AUH: variants seen among roughly 807,000 people sequenced by gnomAD.
AUH encodes methylglutaconyl-CoA hydratase, mitochondrial.
AUH carries 29 observed loss-of-function variants against 42.3 expected under a neutral mutation model. The ratio of observed to expected loss-of-function variants is 0.69; its 90% CI spans 0.51 to 0.93. AUH has a LOEUF of 0.93. AUH is among the 40% of genes least tolerant of loss of function. The pLI is 0.00. For missense variants in AUH, 452 were observed against 438.1 expected (o/e 1.03, Z -0.28); for synonymous variants, 174 against 166.4 (o/e 1.05, Z -0.35).
At chr9:91,321,319 C>G (rs1001974360) in intron 4 of AUH, among the ~76,000 whole-genome samples, 1 of 152,098 alleles carries the variant, frequency 6.6e-6, no homozygotes, top group Non-Finnish European at 1.5e-5. Flanking sequence ...TCAAGATGTT[C>G]TAAGTTTATG....
At chr9:91,292,517 G>A (rs1049156956) in intron 6 of AUH, among the ~76,000 whole-genome samples, 1 of 151,810 alleles carries the variant, frequency 6.6e-6, no homozygotes, top group Non-Finnish European at 1.5e-5. Flanking sequence ...GACCTCAAGT[G>A]ATCCACCCGC....
chr9:91,249,099 C>T lies in AUH; in HGVS notation c.656-28107G>A, dbSNP rs536034496. ...ATCACTTGAGCCCAGGAGTTCGAGACAAGCCTAGGAAACATGGCACAACCC... is the reference window on the plus strand; with the variant it reads ...ATCACTTGAGCCCAGGAGTTCGAGATAAGCCTAGGAAACATGGCACAACCC... On this transcript the variant is annotated intron_variant, in intron 6 of 9. Coordinates refer to ENST00000375731, the MANE Select transcript of AUH (RefSeq NM_001698.3). Among the ~76,000 whole-genome samples, 6 of 151,962 alleles carry T rather than the reference C, an allele frequency of 3.9e-5. No individual in the cohort carries two copies. In the South Asian group the frequency reaches 8.3e-4, roughly 21 times the overall value.
intron 3 of AUH, among the ~76,000 whole-genome samples, chr9:91,333,915 A>G (rs944973671): frequency 1.3e-5 from 2 of 152,206 alleles, no homozygotes; most frequent in Non-Finnish European, 1.5e-5. Flanking sequence ...GTAGCAACAA[A>G]GCAAAGATCA....
Position 91,351,387 on chromosome 9 carries a change from A to G in AUH, c.418+4496T>C, listed in dbSNP as rs192368576. The stretch of plus-strand genomic sequence containing the variant: ...TTCCACACTCCATGTATATCACTTT[A>G]TAAGTATCGTATTTATATGTCTTTA... On this transcript the variant is annotated intron_variant, in intron 3 of 9. Coordinates refer to ENST00000375731, the MANE Select transcript of AUH (RefSeq NM_001698.3). 4.8e-4 allele frequency among the ~76,000 whole-genome samples: 73 copies of G among 152,356 alleles called. 1 individual carries two copies. The highest frequency in any genetic ancestry group is 1.7e-3 in the African/African-American group (71 of 41,574).
At chr9:91,225,914 T>C (rs1342600732) in intron 6 of AUH, among the ~76,000 whole-genome samples, 1 of 151,264 alleles carries the variant, frequency 6.6e-6, no homozygotes, top group Non-Finnish European at 1.5e-5. Context: ...TATTCCATGG[T>C]GTATATGTGC....
At chr9:91,298,485 T>G (rs1040365650) in intron 4 of AUH, among the ~76,000 whole-genome samples, 1 of 152,222 alleles carries the variant, frequency 6.6e-6, no homozygotes, top group African/African-American at 2.4e-5. Context: ...GCTACTTCAG[T>G]GCTTGGAATG....
At chr9:91,271,676 A>T (rs546383762) in intron 6 of AUH, among the ~76,000 whole-genome samples, 1 of 152,298 alleles carries the variant, frequency 6.6e-6, no homozygotes, top group Middle Eastern at 3.4e-3. Context: ...CAAAATCTTC[A>T]ATATGCTTTG....
chr9:91,225,244 T>C (rs1827371961), intron 6 of AUH, among the ~76,000 whole-genome samples: 1 of 152,210 alleles, frequency 6.6e-6, no homozygotes, highest in Non-Finnish European at 1.5e-5. Context: ...ATCCACCTCC[T>C]AGGCTCAAAT....
chr9:91,255,969 A>C (rs1829384368), intron 6 of AUH, among the ~76,000 whole-genome samples: 1 of 152,122 alleles, frequency 6.6e-6, no homozygotes, highest in South Asian at 2.1e-4. Context: ...AAGTTCTGGC[A>C]TTTTATCTTC....
intron 6 of AUH, among the ~76,000 whole-genome samples, chr9:91,282,547 C>T (rs572612677): frequency 6.6e-6 from 1 of 152,110 alleles, no homozygotes; most frequent in African/African-American, 2.4e-5. Context: ...AGTATGTGAG[C>T]AGGAGGAGCA....
chr9:91,249,222 G>C (rs1249163648), intron 6 of AUH, among the ~76,000 whole-genome samples: 4 of 147,452 alleles, frequency 2.7e-5, no homozygotes, highest in African/African-American at 1.0e-4. Context: ...ACCTGAGCCT[G>C]GGAGATTGAG....
At chr9:91,324,094 A>G (rs950846844) in intron 4 of AUH, among the ~76,000 whole-genome samples, 4 of 152,244 alleles carry the variant, frequency 2.6e-5, no homozygotes, top group South Asian at 2.1e-4. Flanking sequence ...AGCACATTAG[A>G]GGACAATATC....
chr9:91,275,585 T>A (rs2482339), intron 6 of AUH, among the ~76,000 whole-genome samples: 1 of 152,150 alleles, frequency 6.6e-6, no homozygotes, highest in South Asian at 2.1e-4. Context: ...CTTGACAGAG[T>A]GAATCTTAAC....
At chr9:91,231,803 A>G (rs114965270) in intron 6 of AUH, among the ~76,000 whole-genome samples, 115 of 152,218 alleles carry the variant, frequency 7.6e-4, no homozygotes, top group African/African-American at 2.7e-3. Context: ...GGCTGGAGCT[A>G]TATACTCAGG....
At chr9:91,277,702 C>A (rs986631351) in intron 6 of AUH, among the ~76,000 whole-genome samples, 34 of 152,044 alleles carry the variant, frequency 2.2e-4, no homozygotes, top group African/African-American at 8.2e-4. Context: ...TTGTTTGAAT[C>A]AAAATCAAGT....
intron 6 of AUH, among the ~76,000 whole-genome samples, chr9:91,275,927 A>G (rs1011163160): frequency 1.3e-5 from 2 of 152,190 alleles, no homozygotes; most frequent in African/African-American, 4.8e-5. Flanking sequence ...TAGTTTCATT[A>G]GGGTGGGAAA....
intron 3 of AUH, among the ~76,000 whole-genome samples, chr9:91,342,064 T>C (rs1218922573): frequency 2.6e-5 from 4 of 152,174 alleles, no homozygotes; most frequent in African/African-American, 9.7e-5. Context: ...TGGTATCAGT[T>C]TCCTGGTGCT....
At chr9:91,268,463 C>T (rs1404115971) in intron 6 of AUH, among the ~76,000 whole-genome samples, 1 of 151,990 alleles carries the variant, frequency 6.6e-6, no homozygotes, top group African/African-American at 2.4e-5. Flanking sequence ...CGGAGTCTCA[C>T]TCTGCTGCCC....
intron 1 of AUH, among the ~76,000 whole-genome samples, chr9:91,360,707 G>C (rs1832781414): frequency 6.6e-6 from 1 of 152,142 alleles, no homozygotes; most frequent in Non-Finnish European, 1.5e-5. Flanking sequence ...ACCATGCCTT[G>C]AAAGTTCACA....
Sources: gnomAD v4.1 joint callset for allele counts (sites outside exome capture counted in the v4.1 genomes callset) on GRCh38, gnomAD v4.1.1 for gene constraint, MANE v1.5 for transcripts, NCBI Gene and HGNC (gene_info 2026-07-23, HGNC 2026-07-21) for gene names.